The following GALNT17 variants were observed in gnomAD, a reference collection of about 807,000 sequenced individuals.
GALNT17 encodes polypeptide N-acetylgalactosaminyltransferase 17.
A neutral mutation model predicts 63.7 loss-of-function variants in GALNT17; 29 were observed. That is an observed-to-expected ratio of 0.46 (90% confidence interval 0.34 to 0.62). The LOEUF (loss-of-function observed/expected upper bound fraction) is 0.62. GALNT17 is among the 20% of genes least tolerant of loss of function. GALNT17 has a pLI of 0.01. For missense variants in GALNT17, 603 were observed against 799.6 expected, an observed-to-expected ratio of 0.75 and a Z score of 2.97; for synonymous variants, 305 against 318.3, an observed-to-expected ratio of 0.96 and a Z score of 0.45.
At chr7:71,567,397 CTG>C (rs1398867419) in intron 5 of GALNT17, among the ~76,000 whole-genome samples, 1 of 152,226 alleles carries the variant, frequency 6.6e-6, no homozygotes, top group Non-Finnish European at 1.5e-5. Flanking sequence ...AGCTCCTGCT[CTG>C]TGCACTGGGC....
intron 5 of GALNT17, among the ~76,000 whole-genome samples, chr7:71,502,898 G>T (rs1788203434): frequency 6.6e-6 from 1 of 152,126 alleles, no homozygotes; most frequent in African/African-American, 2.4e-5. Context: ...ATATCAGTTT[G>T]CCCCATCAAG....
rs1422369732 is a variant in GALNT17, at chr7:71,423,476, G to C, written c.962+2371G>C. On this transcript the variant is annotated intron_variant, in intron 5 of 10. Coordinates refer to ENST00000333538, the MANE Select transcript of GALNT17 (RefSeq NM_022479.3). The stretch of plus-strand genomic sequence containing the variant: ...CTGTCTTAAGTAGGGAGAGGCAGGA[G>C]AGGCCTGTGTACCTGGGCTCGGTTT... 2.0e-5 allele frequency among the ~76,000 whole-genome samples: 3 copies of C among 152,190 alleles called. No individual in the cohort carries two copies. In the East Asian group the frequency reaches 5.8e-4, roughly 29 times the overall value.
chr7:71,690,019 C>T (rs376641453), intron 9 of GALNT17, among the ~76,000 whole-genome samples: 2 of 142,868 alleles, frequency 1.4e-5, no homozygotes, highest in East Asian at 2.1e-4. Context: ...TACTGAATAT[C>T]TTTTTTTTTT....
chr7:71,574,625 C>G (rs1789505095), intron 6 of GALNT17, among the ~76,000 whole-genome samples: 1 of 152,158 alleles, frequency 6.6e-6, no homozygotes. Flanking sequence ...GGTTTGGAGT[C>G]TACACAGAAT....
At chr7:71,532,147 G>A (rs1036422994) in intron 5 of GALNT17, among the ~76,000 whole-genome samples, 1 of 152,150 alleles carries the variant, frequency 6.6e-6, no homozygotes, top group African/African-American at 2.4e-5. Context: ...ATGTAGACTT[G>A]AGCTGAAGAT....
chr7:71,322,071 T>C (rs1404746493), intron 1 of GALNT17, among the ~76,000 whole-genome samples: 1 of 151,598 alleles, frequency 6.6e-6, no homozygotes, highest in Non-Finnish European at 1.5e-5. Context: ...CTCACATCAG[T>C]CTTCTAAGCA....
At chr7:71,235,530 G>A (rs1789872119) in intron 1 of GALNT17, among the ~76,000 whole-genome samples, 1 of 152,190 alleles carries the variant, frequency 6.6e-6, no homozygotes, top group Non-Finnish European at 1.5e-5. Context: ...GGCTTTGATG[G>A]AACCGCTGTT....
intron 7 of GALNT17, among the ~76,000 whole-genome samples, chr7:71,667,539 G>A (rs1791003319): frequency 1.3e-5 from 2 of 152,070 alleles, no homozygotes; most frequent in Non-Finnish European, 2.9e-5. Flanking sequence ...TTATCTGATA[G>A]GACTCCCGTG....
chr7:71,239,114 C>T (rs1299653627), intron 1 of GALNT17, among the ~76,000 whole-genome samples: 7 of 152,156 alleles, frequency 4.6e-5, no homozygotes, highest in African/African-American at 1.7e-4. Flanking sequence ...GAGTCAGAGG[C>T]ACCAAGCTAT....
chr7:71,299,712 C>T (rs1791158659), intron 1 of GALNT17, among the ~76,000 whole-genome samples: 1 of 151,946 alleles, frequency 6.6e-6, no homozygotes, highest in Non-Finnish European at 1.5e-5. Flanking sequence ...AACCCTATGT[C>T]CTTCCTGTGT....
chr7:71,622,401 C>A (rs1790306905), intron 6 of GALNT17, among the ~76,000 whole-genome samples: 1 of 152,192 alleles, frequency 6.6e-6, no homozygotes, highest in Admixed American at 6.5e-5. Context: ...TCGATGAAAG[C>A]AGCTGGAATC....
intron 5 of GALNT17, among the ~76,000 whole-genome samples, chr7:71,443,389 G>A (rs566228602): frequency 3.3e-5 from 5 of 152,294 alleles, no homozygotes; most frequent in Admixed American, 2.0e-4. Context: ...AATTTGATCC[G>A]CAGTGTTGGA....
chr7:71,152,787 C>T (rs2116220589), intron 1 of GALNT17, among the ~76,000 whole-genome samples: 1 of 152,102 alleles, frequency 6.6e-6, no homozygotes, highest in Admixed American at 6.6e-5. Context: ...TGCCTGCCAC[C>T]ATGCCCAGCT....
intron 6 of GALNT17, among the ~76,000 whole-genome samples, chr7:71,646,927 T>C (rs538481823): frequency 6.6e-5 from 10 of 151,816 alleles, no homozygotes; most frequent in East Asian, 5.8e-4. Context: ...TTTGTATTTT[T>C]AGTAGAGATG....
intron 1 of GALNT17, among the ~76,000 whole-genome samples, chr7:71,330,523 A>G (rs1289624011): frequency 6.6e-6 from 1 of 152,092 alleles, no homozygotes; most frequent in East Asian, 1.9e-4. Context: ...TCAGCCTCTC[A>G]AGGAGCTGGG....
intron 5 of GALNT17, among the ~76,000 whole-genome samples, chr7:71,560,425 T>G (rs1789237522): frequency 6.6e-6 from 1 of 152,146 alleles, no homozygotes; most frequent in Non-Finnish European, 1.5e-5. Flanking sequence ...ACACAGGCTT[T>G]GATCAATAGG....
intron 5 of GALNT17, among the ~76,000 whole-genome samples, chr7:71,524,360 A>G (rs539552138): frequency 7.2e-4 from 108 of 150,614 alleles, no homozygotes; most frequent in African/African-American, 2.5e-3. Flanking sequence ...GTAATATACT[A>G]TTACTATTAA....
chr7:71,672,370 G>T (rs896023314), intron 8 of GALNT17, among the ~76,000 whole-genome samples: 1 of 152,170 alleles, frequency 6.6e-6, no homozygotes, highest in Non-Finnish European at 1.5e-5. Flanking sequence ...TCTGAATGAG[G>T]AAGGGCTTTC....
intron 1 of GALNT17, among the ~76,000 whole-genome samples, chr7:71,229,462 TGGACAGCTGCCAGC>T (rs1331186870): frequency 6.6e-6 from 1 of 152,218 alleles, no homozygotes; most frequent in Non-Finnish European, 1.5e-5. Flanking sequence ...TCAGTCCATT[TGGACAGCTGCCAGC>T]TGCATGGTTT....
Sources: gnomAD v4.1 joint callset for allele counts (sites outside exome capture counted in the v4.1 genomes callset) on GRCh38, gnomAD v4.1.1 for gene constraint, MANE v1.5 for transcripts, NCBI Gene and HGNC (gene_info 2026-07-23, HGNC 2026-07-21) for gene names.